The following HPGDS variants were observed in gnomAD, a reference collection of about 807,000 sequenced individuals.
HPGDS encodes the protein hematopoietic prostaglandin D synthase, also known as GST class-sigma.
A neutral mutation model predicts 23.1 loss-of-function variants in HPGDS; 26 were observed. The ratio of observed to expected loss-of-function variants is 1.13; its 90% CI spans 0.83 to 1.56. The LOEUF (loss-of-function observed/expected upper bound fraction) is 1.56, where lower values mean the gene tolerates loss of function less well. Ranked by LOEUF, HPGDS falls within the 40% of genes most tolerant of loss-of-function variation. HPGDS has a pLI of 0.00. For synonymous variants in HPGDS, 95 were observed against 77.9 expected, an observed-to-expected ratio of 1.22 and a Z score of -1.16; for missense variants, 268 against 236.4, an observed-to-expected ratio of 1.13 and a Z score of -0.88.
intron 2 of HPGDS, among the ~76,000 whole-genome samples, chr4:94,319,917 C>A (rs1385246967): frequency 6.6e-6 from 1 of 152,122 alleles, no homozygotes; most frequent in South Asian, 2.1e-4. Flanking sequence ...CCCTCTACCC[C>A]CACCCTGCAA....
At chr4:94,302,765 A>G (rs1756068348) in intron 4 of HPGDS, among the ~76,000 whole-genome samples, 1 of 152,106 alleles carries the variant, frequency 6.6e-6, no homozygotes, top group Non-Finnish European at 1.5e-5. Flanking sequence ...ATTGTGCCTC[A>G]TTATCAGATT....
chr4:94,301,711 G>A (rs1413024831), intron 5 of HPGDS, among the ~76,000 whole-genome samples: 1 of 152,016 alleles, frequency 6.6e-6, no homozygotes, highest in Non-Finnish European at 1.5e-5. Context: ...ATAGTTTGTA[G>A]TACCACCAAC....
At chr4:94,331,647 AG>A (rs1756738555) in intron 2 of HPGDS, among the ~76,000 whole-genome samples, 1 of 152,118 alleles carries the variant, frequency 6.6e-6, no homozygotes. Flanking sequence ...CTGATTGTAG[AG>A]CAGGGGAAAG....
chr4:94,313,555 T>G (rs974856333), intron 3 of HPGDS, among the ~76,000 whole-genome samples: 51 of 152,272 alleles, frequency 3.3e-4, no homozygotes, highest in Admixed American at 3.9e-4. Flanking sequence ...ACCTTTCTCT[T>G]TGGCTGCCCT....
At chr4:94,324,833 G>T (rs1292074933) in intron 2 of HPGDS, among the ~76,000 whole-genome samples, 1 of 152,150 alleles carries the variant, frequency 6.6e-6, no homozygotes, top group Non-Finnish European at 1.5e-5. Flanking sequence ...TGGACAAGAA[G>T]GGGTGTTCTG....
At chr4:94,324,833 G>C (rs1292074933) in intron 2 of HPGDS, among the ~76,000 whole-genome samples, 3 of 152,150 alleles carry the variant, frequency 2.0e-5, no homozygotes, top group African/African-American at 7.2e-5. Context: ...TGGACAAGAA[G>C]GGGTGTTCTG....
At chr4:94,336,076 C>T (rs935645187) in intron 1 of HPGDS, among the ~76,000 whole-genome samples, 12 of 151,778 alleles carry the variant, frequency 7.9e-5, no homozygotes, top group South Asian at 2.1e-4. Context: ...TGTGGTGGTG[C>T]GCGCCTGTAA....
At chr4:94,338,669 T>C (rs1721072247) in intron 1 of HPGDS, among the ~76,000 whole-genome samples, 1 of 152,208 alleles carries the variant, frequency 6.6e-6, no homozygotes, top group Non-Finnish European at 1.5e-5. Flanking sequence ...AAGCATTTTC[T>C]TTAATGTCAG....
At chr4:94,300,628 G>T (rs1405763911) in intron 5 of HPGDS, among the ~76,000 whole-genome samples, 1 of 152,088 alleles carries the variant, frequency 6.6e-6, no homozygotes, top group Non-Finnish European at 1.5e-5. Flanking sequence ...CCATGCCCAG[G>T]TTTAGGTGCT....
chr4:94,308,985 G>C (rs1756199171), intron 3 of HPGDS, among the ~76,000 whole-genome samples: 1 of 139,130 alleles, frequency 7.2e-6, no homozygotes, highest in Non-Finnish European at 1.5e-5. Flanking sequence ...TATCCCACTA[G>C]ATATGCTTCC....
intron 3 of HPGDS, among the ~76,000 whole-genome samples, chr4:94,309,017 T>G (rs1756199935): frequency 6.7e-6 from 1 of 148,410 alleles, no homozygotes; most frequent in South Asian, 2.2e-4. Flanking sequence ...CCCCTACATA[T>G]CTTTCTTTAC....
chr4:94,317,832 G>T, intron 3 of HPGDS, 41 bp downstream of exon 3: 1 of 1,115,152 alleles, frequency 9.0e-7, no homozygotes, highest in Non-Finnish European at 1.4e-6. Flanking sequence ...TCATGTATTT[G>T]TTTCAGTTAT....
chr4:94,330,345 A>G (rs907106492), intron 2 of HPGDS, among the ~76,000 whole-genome samples: 2 of 152,214 alleles, frequency 1.3e-5, no homozygotes, highest in African/African-American at 4.8e-5. Context: ...GTACAGATGC[A>G]TGAATTAAAT....
intron 1 of HPGDS, among the ~76,000 whole-genome samples, chr4:94,340,301 CTTTCTTTCTCT>C (rs1721118617): frequency 3.1e-5 from 1 of 32,172 alleles, no homozygotes. Context: ...TTCTTTCTTT[CTTTCTTTCTCT>C]TTTTTTTTTT....
At chr4:94,340,297 CTTTCTTTCTTTCTCTTTTTTTT>C (rs1721116869) in intron 1 of HPGDS, among the ~76,000 whole-genome samples, 2 of 37,440 alleles carry the variant, frequency 5.3e-5, no homozygotes, top group African/African-American at 1.4e-4. Flanking sequence ...TTCTTTCTTT[CTTTCTTTCTTTCTCTTTTTTTT>C]TTTTTTTTTT....
chr4:94,312,132 A>G (rs995361118), intron 3 of HPGDS, among the ~76,000 whole-genome samples: 125 of 151,946 alleles, frequency 8.2e-4, no homozygotes, highest in African/African-American at 2.9e-3. Context: ...TTGTGTCTCT[A>G]TCTCCTTCAG....
intron 3 of HPGDS, among the ~76,000 whole-genome samples, chr4:94,309,618 G>C (rs1443950456): frequency 2.6e-5 from 4 of 152,070 alleles, no homozygotes; most frequent in Non-Finnish European, 5.9e-5. Flanking sequence ...ATAGCAGCAT[G>C]ATTTATAATC....
chr4:94,300,215 C>T lies in HPGDS; in HGVS notation c.436-571G>A, dbSNP rs144909979. On this transcript the variant is annotated intron_variant, in intron 5 of 5. Coordinates refer to ENST00000295256, the MANE Select transcript of HPGDS (RefSeq NM_014485.3). Reference sequence around the variant, plus strand: ...AGTATAAAGGAAGGTGCAGGTTACTCTTAGAGGGTATATAATTTCAAGTGA... The same window carrying T: ...AGTATAAAGGAAGGTGCAGGTTACTTTTAGAGGGTATATAATTTCAAGTGA... 5.8e-3 allele frequency among the ~76,000 whole-genome samples: 889 copies of T among 152,186 alleles called. 10 individuals are homozygous for T. Among genetic ancestry groups the T allele is most frequent in the African/African-American group, 0.02 (849 of 41,518 alleles).
chr4:94,309,890 G>A (rs1006065498), intron 3 of HPGDS, among the ~76,000 whole-genome samples: 4 of 152,232 alleles, frequency 2.6e-5, no homozygotes, highest in Non-Finnish European at 5.9e-5. Context: ...GTGATGACGA[G>A]CATTTTTTCA....
Sources: allele counts gnomAD v4.1 joint callset (sites outside exome capture counted in the v4.1 genomes callset), GRCh38; gene constraint gnomAD v4.1.1; transcripts MANE v1.5; gene names NCBI Gene and HGNC (gene_info 2026-07-23, HGNC 2026-07-21).